Variants in CPOX observed in about 807,000 individuals in gnomAD.
CPOX encodes the protein coproporphyrinogen oxidase, also known as oxygen-dependent coproporphyrinogen-III oxidase, mitochondrial.
A neutral mutation model predicts 48.9 loss-of-function variants in CPOX; 24 were observed. The observed-to-expected ratio is 0.49, with a 90% CI of 0.36 to 0.69. The LOEUF (loss-of-function observed/expected upper bound fraction) is 0.69, where lower values mean the gene tolerates loss of function less well. CPOX is among the 30% of genes least tolerant of loss of function. The pLI, the probability that CPOX is intolerant of heterozygous loss-of-function variation, is 0.00. For synonymous variants in CPOX, 249 were observed against 234.6 expected (o/e 1.06, Z -0.56); for missense variants, 549 against 597.3 (o/e 0.92, Z 0.84).
chr3:98,574,634 T>C (rs1022815260), downstream of CPOX, among the ~76,000 whole-genome samples: 9 of 152,318 alleles, frequency 5.9e-5, no homozygotes, highest in East Asian at 1.3e-3. Context: ...CAGGCTGGAG[T>C]GCAGTGGCAC....
rs905959480 is a variant in CPOX at position 98,580,648 on chromosome 3, G to A, written c.*35C>T. On this transcript the variant is annotated 3_prime_UTR_variant, in exon 7 of 7. Transcript: ENST00000647941. ...GTGGCATGGGGAGCACACATCGTGTGCCCTCCAAACCCCTGCACAGCCATT... is the reference window on the plus strand; with the variant it reads ...GTGGCATGGGGAGCACACATCGTGTACCCTCCAAACCCCTGCACAGCCATT... 27 of 1,613,172 alleles carry A rather than the reference G, an allele frequency of 1.7e-5. No homozygotes were observed. Among genetic ancestry groups the A allele is most frequent in the Middle Eastern group, 1.6e-4 (1 of 6,076 alleles).
In CPOX at chr3:98,593,237, T is replaced by C. The variant is rs1182672472; in HGVS notation, c.268A>G (p.Thr90Ala). ...AALAGLVGLATAAFGHVQRAE... is the reference protein window; with the variant it reads ...AALAGLVGLAAAAFGHVQRAE... ...CGCTGCACATGCCCGAAGGCGGCGG[T>C]GGCCAGCCCCACCAACCCCGCCAGC... Residue 90 changes from threonine to alanine, a missense_variant, in exon 1 of 7, where the codon ACC (threonine) becomes GCC (alanine). Around this residue, in one of 2 missense-constraint regions of CPOX, gnomAD observed 336 missense variants for 318.1 expected, o/e 1.06. Transcript: ENST00000647941. The C allele has an allele frequency of 3.9e-6, 6 of 1,544,026 alleles. No homozygotes were observed. Among genetic ancestry groups the C allele is most frequent in the Non-Finnish European group, 5.2e-6 (6 of 1,148,470 alleles).
intron 3 of CPOX, 113 bp downstream of exon 3, chr3:98,590,519 T>C: frequency 1.2e-6 from 1 of 801,068 alleles, no homozygotes; most frequent in South Asian, 1.4e-5. Context: ...CATTGCCTCC[T>C]GAAAGACCTA....
rs923637108 is a variant in CPOX at position 98,591,502 on chromosome 3, G to A, written c.557-347C>T. Among the ~76,000 whole-genome samples the A allele has an allele frequency of 3.3e-5, 5 of 152,270 alleles. No homozygotes were observed. In the South Asian group the frequency reaches 8.3e-4, roughly 25 times the overall value. On this transcript the variant is annotated intron_variant, in intron 1 of 6. Transcript: ENST00000647941. ...GAAAGCTAAGGTTAAAAATAGGAAT[G>A]GGTAGACTTGAAGGGTGTTCTATTA...
intron 4 of CPOX, among the ~76,000 whole-genome samples, chr3:98,587,440 AT>A (rs1707385256): frequency 6.6e-6 from 1 of 150,534 alleles, no homozygotes; most frequent in Non-Finnish European, 1.5e-5. Context: ...TTCTTAAGTT[AT>A]GGAAGCTGAG....
At chr3:98,577,481 C>T (rs945322016), downstream of CPOX, among the ~76,000 whole-genome samples, 1 of 152,092 alleles carries the variant, frequency 6.6e-6, no homozygotes, top group Non-Finnish European at 1.5e-5. Context: ...GGAGCCATTT[C>T]AAAGGGGGAC....
intron 5 of CPOX, among the ~76,000 whole-genome samples, chr3:98,584,124 A>T (rs1707313067): frequency 6.6e-6 from 1 of 152,256 alleles, no homozygotes; most frequent in African/African-American, 2.4e-5. Flanking sequence ...TAAAGGATTC[A>T]CCTAATTAGT....
At chr3:98,573,704 T>C in the CPOX span, among the ~76,000 whole-genome samples, 579 of 152,376 alleles carry the variant, frequency 3.8e-3, 3 homozygotes, top group African/African-American at 0.013. Flanking sequence ...AATTTTATCA[T>C]CTAAATTTTA....
the CPOX span, among the ~76,000 whole-genome samples, chr3:98,573,035 C>A: frequency 6.6e-6 from 1 of 152,296 alleles, no homozygotes; most frequent in Non-Finnish European, 1.5e-5. Context: ...TTCACTGAAT[C>A]ACACACACCC....
At chr3:98,585,759 G>A (rs1576300735) in intron 4 of CPOX, 100 bp from the exon 5 acceptor site, 1 of 906,078 alleles carries the variant, frequency 1.1e-6, no homozygotes, top group Non-Finnish European at 1.8e-6. Context: ...CTCAACTAAT[G>A]TCAGGATGGT....
chr3:98,571,484 C>A, the CPOX span, among the ~76,000 whole-genome samples: 1 of 151,422 alleles, frequency 6.6e-6, no homozygotes, highest in Non-Finnish European at 1.5e-5. Context: ...GTCAGGAGAT[C>A]GAGACCATCC....
intron 4 of CPOX, among the ~76,000 whole-genome samples, chr3:98,586,183 T>C (rs1576301115): frequency 6.6e-6 from 1 of 152,196 alleles, no homozygotes; most frequent in East Asian, 1.9e-4. Context: ...CTTATCCTCT[T>C]ATTTTCAAGG....
the CPOX span, among the ~76,000 whole-genome samples, chr3:98,570,713 C>A: frequency 6.6e-6 from 1 of 152,070 alleles, no homozygotes; most frequent in Admixed American, 6.5e-5. Flanking sequence ...TATGAGGATA[C>A]TAAGAAATAT....
At chr3:98,578,170 A>G (rs1707189718), downstream of CPOX, 1 of 731,596 alleles carries the variant, frequency 1.4e-6, no homozygotes, top group African/African-American at 1.9e-5. Flanking sequence ...TGAAAGAGAA[A>G]TTCACTTTGA....
At chr3:98,589,747 A>T (rs1280228155) in intron 3 of CPOX, 1 of 152,330 alleles carries the variant, frequency 6.6e-6, no homozygotes, top group Non-Finnish European at 1.5e-5. Context: ...GGTTGAACCA[A>T]GCTGAATGGC....
At chr3:98,591,265 T>G in intron 1 of CPOX, 110 bp from the exon 2 acceptor site, 2 of 1,149,926 alleles carry the variant, frequency 1.7e-6, no homozygotes, top group East Asian at 4.9e-5. Flanking sequence ...TTTATATCAG[T>G]GTATTTATCA....
intron 4 of CPOX, among the ~76,000 whole-genome samples, chr3:98,586,474 T>G (rs1294540872): frequency 6.6e-6 from 1 of 152,068 alleles, no homozygotes; most frequent in Non-Finnish European, 1.5e-5. Context: ...ATTTGATGGT[T>G]CTATAGCATG....
chr3:98,585,400 C>A (rs1707342199), intron 5 of CPOX, 41 bp downstream of exon 5: 1 of 1,515,900 alleles, frequency 6.6e-7, no homozygotes, highest in Non-Finnish European at 9.2e-7. Context: ...GCTCCACCTC[C>A]CCCACTTAGC....
rs1406801150 is a variant in CPOX at position 98,593,572 on chromosome 3, C to T, written c.-68G>A. On this transcript the variant is annotated 5_prime_UTR_variant, in exon 1 of 7. Transcript: ENST00000647941. ...CCTGCGTTTGAGCCCCCCACCCAGA[C>T]CCCCGGAGTATTGAGCCGGCGAGCT... 9 of 1,448,358 alleles carry T rather than the reference C, an allele frequency of 6.2e-6. No individual in the cohort carries two copies. The highest frequency in any genetic ancestry group is 2.2e-5 in the Admixed American group (1 of 45,462). The allele number at this position is 1,448,358 out of a possible 1,614,324, so 89.7% of individuals were successfully genotyped here.
Sources: allele counts gnomAD v4.1 joint callset (sites outside exome capture counted in the v4.1 genomes callset), GRCh38; gene constraint gnomAD v4.1.1; regional missense constraint gnomAD v4.1.1; transcripts MANE v1.5; gene names NCBI Gene and HGNC (gene_info 2026-07-23, HGNC 2026-07-21).